Variants in GARS1 observed in about 807,000 individuals in gnomAD.
GARS1 encodes glycine--tRNA ligase.
Under a neutral mutation model 86.4 loss-of-function variants are expected in GARS1, and 46 were observed. The ratio of observed to expected loss-of-function variants is 0.53; its 90% CI spans 0.42 to 0.68. The LOEUF is 0.68. Among genes scored for constraint, GARS1 ranks in the 30% least tolerant of loss-of-function variants. GARS1 has a pLI of 0.00. For synonymous variants in GARS1, 342 were observed against 329.8 expected (o/e 1.04, Z -0.40); for missense variants, 797 against 915.6 (o/e 0.87, Z 1.67).
chr7:30,630,537 G>C (rs79725583), intron 14 of GARS1, among the ~76,000 whole-genome samples: 1 of 54,914 alleles, frequency 1.8e-5, no homozygotes, highest in Non-Finnish European at 3.8e-5. Flanking sequence ...TTTTTTTTTT[G>C]GTCTCGCTTT....
rs1554336991 is a variant in GARS1, at chr7:30,599,966, A to G, written c.344A>G (p.Lys115Arg). 1 of 1,613,886 alleles carries G rather than the reference A, an allele frequency of 6.2e-7. No homozygotes were observed. Among genetic ancestry groups the G allele is most frequent in the African/African-American group, 1.3e-5 (1 of 75,064 alleles). ...TAACAGGAGCTGGCGTTACAGCCCA[A>G]AGATGATATTGTAGACCGAGCAAAA... ...LEAKELALQP[K>R]DDIVDRAKME... Residue 115 changes from lysine to arginine, a missense_variant, in exon 3 of 17, where the codon AAA becomes AGA. This residue lies in a region of GARS1 where 199 missense variants were observed against 176.9 expected (regional missense o/e 1.12). Transcript: ENST00000389266.
At chr7:30,594,819 C>A (rs542192277), upstream of GARS1, 47 of 1,011,540 alleles carry the variant, frequency 4.6e-5, 3 homozygotes, top group South Asian at 6.2e-4. Context: ...TGCGGCAGCA[C>A]GCGCGCCGCG....
At chr7:30,612,321 A>G in intron 8 of GARS1, 76 bp downstream of exon 8, 7 of 1,362,090 alleles carry the variant, frequency 5.1e-6, no homozygotes, top group Non-Finnish European at 7.3e-6. Flanking sequence ...GCTGTTTTGA[A>G]GCAATTCTGC....
intron 11 of GARS1, 51 bp downstream of exon 11, chr7:30,621,551 G>C (rs747941251): frequency 7.8e-7 from 1 of 1,285,116 alleles, no homozygotes; most frequent in South Asian, 1.2e-5. Context: ...TGAACATCTT[G>C]CTAATGAATA....
Position 30,628,551 on chromosome 7 carries a change from C to G in GARS1, c.1700-9C>G, listed in dbSNP as rs560874353. 1 of 1,579,940 alleles carries G rather than the reference C, an allele frequency of 6.3e-7. No homozygotes were observed. The highest frequency in any genetic ancestry group is 1.7e-5 in the Admixed American group (1 of 59,916). On this transcript the variant is annotated splice_polypyrimidine_tract_variant and intron_variant, in intron 13 of 16. Coordinates refer to ENST00000389266, the MANE Select transcript of GARS1 (RefSeq NM_002047.4). ...AGAGAATGTTATTGAATTTCTATCTCTTTTTCAGTGGAAGAAGTTGTTCCG... is the reference window on the plus strand; with the variant it reads ...AGAGAATGTTATTGAATTTCTATCTGTTTTTCAGTGGAAGAAGTTGTTCCG...
chr7:30,618,574 T>C (rs1782934936), intron 10 of GARS1, among the ~76,000 whole-genome samples: 1 of 152,100 alleles, frequency 6.6e-6, no homozygotes, highest in Admixed American at 6.6e-5. Flanking sequence ...GTTGAGGCTG[T>C]AGTGAGCCAT....
At chr7:30,617,610 A>G (rs1338971917) in intron 10 of GARS1, among the ~76,000 whole-genome samples, 1 of 152,196 alleles carries the variant, frequency 6.6e-6, no homozygotes, top group African/African-American at 2.4e-5. Context: ...CAAGAGTCCC[A>G]GCAAACATTG....
intron 7 of GARS1, among the ~76,000 whole-genome samples, chr7:30,611,215 A>G (rs1584033515): frequency 6.6e-6 from 1 of 152,222 alleles, no homozygotes; most frequent in Admixed American, 6.5e-5. Flanking sequence ...TTGAAAATAT[A>G]AAATACTGCA....
At chr7:30,602,923 G>T in intron 4 of GARS1, 111 bp from the exon 5 acceptor site, 1 of 790,170 alleles carries the variant, frequency 1.3e-6, no homozygotes, top group South Asian at 1.4e-5. Context: ...AGATATGGGA[G>T]CTTCCATCTT....
At chr7:30,616,539 T>C (rs1317036668) in intron 9 of GARS1, among the ~76,000 whole-genome samples, 3 of 152,238 alleles carry the variant, frequency 2.0e-5, no homozygotes, top group Admixed American at 2.0e-4. Flanking sequence ...ATGAGTTGCC[T>C]CAGGGAGCAG....
intron 1 of GARS1, 124 bp downstream of exon 1, chr7:30,595,267 C>A: frequency 1.0e-6 from 1 of 964,302 alleles, no homozygotes; most frequent in Non-Finnish European, 1.6e-6. Flanking sequence ...TTCCCTTCAT[C>A]CTCTGGCGTC....
In GARS1 at chr7:30,632,387, C is replaced by T; in HGVS notation, c.2044C>T (p.His682Tyr). Residue 682 changes from histidine to tyrosine, a missense_variant, in exon 16 of 17, where the codon CAC becomes TAC. By Grantham distance (83) the His-to-Tyr change is moderately conservative (BLOSUM62 2). Coordinates refer to ENST00000389266, the MANE Select transcript of GARS1 (RefSeq NM_002047.4). The surrounding 1 kb of genome is among the most constrained non-coding windows in gnomAD (Gnocchi z 4.1). ...CTTTGACACAGTGAACAAGACCCCC[C>T]ACACTGCAACTCTGAGGGACCGTGA... Reference protein sequence around the residue: ...IDFDTVNKTPHTATLRDRDSM... With the variant: ...IDFDTVNKTPYTATLRDRDSM... The T allele has an allele frequency of 6.2e-7, 1 of 1,614,168 alleles. No homozygotes were observed. Among genetic ancestry groups the T allele is most frequent in the Non-Finnish European group, 8.5e-7 (1 of 1,180,022 alleles).
intron 6 of GARS1, among the ~76,000 whole-genome samples, chr7:30,605,166 G>A (rs1423138296): frequency 3.3e-5 from 5 of 152,182 alleles, no homozygotes; most frequent in Admixed American, 6.5e-5. Flanking sequence ...ACAGAGTAGC[G>A]TTTTCTGCAC....
Position 30,632,365 on chromosome 7 carries a change from T to C in GARS1, c.2022T>C (p.Phe674=). ...TGGCTTTTGGTGTCACCATTGACTT[T>C]GACACAGTGAACAAGACCCCCCACA... is the stretch of plus-strand genomic sequence containing the variant. ...IGVAFGVTID[F]DTVNKTPHTA... Residue 674 remains phenylalanine, a synonymous_variant, in exon 16 of 17, where the codon TTT becomes TTC. Transcript: ENST00000389266. The surrounding 1 kb of genome is among the most constrained non-coding windows in gnomAD (Gnocchi z 4.1). 1 of 1,614,180 alleles carries C rather than the reference T, an allele frequency of 6.2e-7. No individual in the cohort carries two copies. Among genetic ancestry groups the C allele is most frequent in the Non-Finnish European group, 8.5e-7 (1 of 1,180,020 alleles).
Position 30,612,140 on chromosome 7 carries a change from A to G in GARS1, c.926A>G (p.Lys309Arg), listed in dbSNP as rs777181462. The part of the protein sequence containing the change: ...ETAQGIFLNF[K>R]RLLEFNQGKL... ...GCACAGGGGATTTTCTTGAATTTCA[A>G]ACGACTTTTGGAGTTCAACCAAGGA... Residue 309 changes from lysine to arginine, a missense_variant, in exon 8 of 17, where the codon AAA becomes AGA. Lys to Arg is a conservative substitution (Grantham distance 26, BLOSUM62 2). Coordinates refer to ENST00000389266, the MANE Select transcript of GARS1 (RefSeq NM_002047.4). The G allele has an allele frequency of 1.9e-6, 3 of 1,614,140 alleles. No individual in the cohort carries two copies. The highest frequency in any genetic ancestry group is 1.3e-5 in the African/African-American group (1 of 75,054).
chr7:30,626,422 C>CGTG, intron 13 of GARS1, 103 bp downstream of exon 13: 2 of 748,098 alleles, frequency 2.7e-6, no homozygotes. Context: ...AGTGCAGTGG[C>CGTG]ACAACCTCTG....
At chr7:30,619,010 T>C (rs1011823454) in intron 10 of GARS1, among the ~76,000 whole-genome samples, 1 of 152,244 alleles carries the variant, frequency 6.6e-6, no homozygotes, top group African/African-American at 2.4e-5. Flanking sequence ...AGATTATTAC[T>C]TTTCTTTTTG....
At chr7:30,622,676 T>C (rs1268490095) in intron 12 of GARS1, 1 of 543,970 alleles carries the variant, frequency 1.8e-6, no homozygotes, top group African/African-American at 1.9e-5. Context: ...GTAACTGTCT[T>C]AAACAAAGAG....
intron 7 of GARS1, among the ~76,000 whole-genome samples, chr7:30,611,117 T>G (rs1014616036): frequency 6.6e-6 from 1 of 152,218 alleles, no homozygotes; most frequent in South Asian, 2.1e-4. Context: ...GCACAGAATA[T>G]CTTCTAGGAA....
Sources: gnomAD v4.1 joint callset for allele counts (sites outside exome capture counted in the v4.1 genomes callset) on GRCh38, gnomAD v4.1.1 for gene constraint, gnomAD v4.1.1 regional missense constraint, Gnocchi (gnomAD v3.1) non-coding constraint, MANE v1.5 for transcripts, NCBI Gene and HGNC (gene_info 2026-07-23, HGNC 2026-07-21) for gene names.